Variants in NETO1 observed in about 807,000 individuals in gnomAD.
NETO1 encodes the protein neuropilin and tolloid-like protein 1.
NETO1 carries 26 observed loss-of-function variants against 61.3 expected under a neutral mutation model. The ratio of observed to expected loss-of-function variants is 0.42; its 90% CI spans 0.31 to 0.59. The LOEUF (loss-of-function observed/expected upper bound fraction) is 0.59, where lower values mean the gene tolerates loss of function less well. Ranked by LOEUF, NETO1 falls within the 20% of genes least tolerant of loss-of-function variation. NETO1 has a pLI of 0.12. For synonymous variants in NETO1, 225 were observed against 225.8 expected (o/e 1.00, Z 0.03); for missense variants, 531 against 662.8 (o/e 0.80, Z 2.18).
At chr18:72,742,956 T>C (rs2070365433), downstream of NETO1, among the ~76,000 whole-genome samples, 2 of 152,184 alleles carry the variant, frequency 1.3e-5, no homozygotes, top group Non-Finnish European at 2.9e-5. Flanking sequence ...CAAATATTCC[T>C]GGACATCTAA....
At chr18:72,777,871 T>A (rs2071610151) in intron 7 of NETO1, among the ~76,000 whole-genome samples, 1 of 152,178 alleles carries the variant, frequency 6.6e-6, no homozygotes, top group Non-Finnish European at 1.5e-5. Context: ...AAGTCACATA[T>A]CCCTGTCTCT....
chr18:72,768,791 A>C (rs946868233), intron 7 of NETO1, among the ~76,000 whole-genome samples: 1 of 152,190 alleles, frequency 6.6e-6, no homozygotes, highest in Non-Finnish European at 1.5e-5. Context: ...TGTACTCTAC[A>C]CTGGAGCCTC....
Position 72,750,511 on chromosome 18 carries a change from C to T in NETO1, c.1092G>A (p.Gln364=). 1 of 1,614,052 alleles carries T rather than the reference C, an allele frequency of 6.2e-7. No homozygotes were observed. The highest frequency in any genetic ancestry group is 2.2e-5 in the East Asian group (1 of 44,876). ...IILIIISVIV[Q]IKQPRKKYVQ... ...CATACTTTTTACGAGGCTGTTTGAT[C>T]TGTACGATGACAGAGATGATAATGA... Residue 364 remains glutamine (Q), a synonymous_variant, in exon 9 of 11, where the codon CAG becomes CAA. Transcript: ENST00000327305.
chr18:72,770,945 A>G (rs1447592108), intron 7 of NETO1, among the ~76,000 whole-genome samples: 1 of 152,174 alleles, frequency 6.6e-6, no homozygotes, highest in Admixed American at 6.6e-5. Flanking sequence ...CATAACTAAC[A>G]AAGTTATTTA....
chr18:72,806,088 G>A (rs530438001), intron 4 of NETO1, among the ~76,000 whole-genome samples: 6 of 152,044 alleles, frequency 3.9e-5, no homozygotes, highest in Admixed American at 6.5e-5. Flanking sequence ...GTTGGTAGAC[G>A]ACATTACCTA....
At chr18:72,863,480 G>A (rs1359257375) in intron 3 of NETO1, among the ~76,000 whole-genome samples, 1 of 152,202 alleles carries the variant, frequency 6.6e-6, no homozygotes, top group African/African-American at 2.4e-5. Context: ...GAGGCAGGTA[G>A]CGAGTACCTT....
At position 72,745,161 on chromosome 18, in the gene NETO1, T is replaced by G. The variant is rs558451158; in HGVS notation, c.*3018A>C. ...CTCCAATTATGTGGACAGCCACATTTTGGTTACAAAATCAAATTCAAGTTA... is the reference window on the plus strand; with the variant it reads ...CTCCAATTATGTGGACAGCCACATTGTGGTTACAAAATCAAATTCAAGTTA... On this transcript the variant is annotated 3_prime_UTR_variant, in exon 11 of 11. Transcript: ENST00000327305. The G allele has an allele frequency of 6.6e-6, 1 of 152,328 alleles. No individual in the cohort carries two copies. The highest frequency in any genetic ancestry group is 1.9e-4 in the East Asian group (1 of 5,186). 9.4% of individuals were successfully genotyped at this position (152,328 alleles called of 1,614,324 possible).
At chr18:72,785,174 C>T (rs1337844690) in intron 6 of NETO1, among the ~76,000 whole-genome samples, 1 of 152,168 alleles carries the variant, frequency 6.6e-6, no homozygotes, top group East Asian at 1.9e-4. Flanking sequence ...TTCAAGCAAA[C>T]ATCCATCTCT....
At chr18:72,803,758 T>G (rs2072584188) in intron 4 of NETO1, among the ~76,000 whole-genome samples, 1 of 150,410 alleles carries the variant, frequency 6.6e-6, no homozygotes, top group Non-Finnish European at 1.5e-5. Context: ...GAGGTTGAGG[T>G]TGCAGTCAGC....
At chr18:72,759,219 C>G (rs529500733) in intron 7 of NETO1, among the ~76,000 whole-genome samples, 1 of 152,282 alleles carries the variant, frequency 6.6e-6, no homozygotes, top group South Asian at 2.1e-4. Flanking sequence ...CCCAGATACC[C>G]CTTCTCCACT....
At chr18:72,801,132 G>C (rs1010608356) in intron 4 of NETO1, among the ~76,000 whole-genome samples, 4 of 152,100 alleles carry the variant, frequency 2.6e-5, no homozygotes, top group African/African-American at 9.7e-5. Flanking sequence ...AATTCCTACA[G>C]ACTCTGTCTT....
intron 6 of NETO1, among the ~76,000 whole-genome samples, chr18:72,790,785 A>G (rs2145263753): frequency 6.6e-6 from 1 of 152,234 alleles, no homozygotes; most frequent in African/African-American, 2.4e-5. Context: ...GATTGCTGCC[A>G]TGTCCTTTTT....
chr18:72,841,039 T>C (rs1390398531), intron 4 of NETO1, among the ~76,000 whole-genome samples: 1 of 152,222 alleles, frequency 6.6e-6, no homozygotes, highest in Non-Finnish European at 1.5e-5. Context: ...TTTATTTAAC[T>C]GCCAAGTTTC....
In NETO1 at chr18:72,794,240, A is replaced by G; in HGVS notation, c.516T>C (p.Cys172=). 6.2e-7 allele frequency: 1 copy of G among 1,614,168 alleles called. No homozygotes were observed. ...DLGALKPLPA[C]EFEMGGSEGI... ...CTTCGGAACCGCCCATCTCAAACTCACACGCTAAATAACAAAATGCCAAAC... is the reference window on the plus strand; with the variant it reads ...CTTCGGAACCGCCCATCTCAAACTCGCACGCTAAATAACAAAATGCCAAAC... Residue 172 remains cysteine, a synonymous_variant, in exon 6 of 11, where the codon TGT becomes TGC. Coordinates refer to ENST00000327305, the MANE Select transcript of NETO1 (RefSeq NM_138966.5).
Position 72,745,252 on chromosome 18 carries a change from T to C in NETO1, c.*2927A>G, listed in dbSNP as rs1342920017. The stretch of plus-strand genomic sequence containing the variant: ...ATAATGCTTAAAATTGGTATGTATA[T>C]AAAAACATACAAAATAAATCAGATT... On this transcript the variant is annotated 3_prime_UTR_variant, in exon 11 of 11. Coordinates refer to ENST00000327305, the MANE Select transcript of NETO1 (RefSeq NM_138966.5). 6.6e-6 allele frequency: 1 copy of C among 152,170 alleles called. No individual in the cohort carries two copies. The highest frequency in any genetic ancestry group is 6.5e-5 in the Admixed American group (1 of 15,270). 9.4% of individuals were successfully genotyped at this position (152,170 alleles called of 1,614,324 possible). A position where few individuals can be genotyped will look rare whatever the true frequency, so the allele number is the denominator to read the frequency against.
chr18:72,834,931 C>T (rs2073696360), intron 4 of NETO1: 2 of 746,340 alleles, frequency 2.7e-6, no homozygotes, highest in Non-Finnish European at 3.3e-6. Flanking sequence ...TATAAAATAA[C>T]ATTTAAAATA....
intron 4 of NETO1, among the ~76,000 whole-genome samples, chr18:72,829,769 T>A (rs898440828): frequency 6.6e-6 from 1 of 152,172 alleles, no homozygotes; most frequent in African/African-American, 2.4e-5. Flanking sequence ...GGGAGTACAG[T>A]GTTCACGCTG....
chr18:72,793,417 C>G (rs2072201641), intron 6 of NETO1, among the ~76,000 whole-genome samples: 1 of 152,126 alleles, frequency 6.6e-6, no homozygotes, highest in South Asian at 2.1e-4. Context: ...AAATGGGGTC[C>G]TGAGTCAAAA....
intron 4 of NETO1, among the ~76,000 whole-genome samples, chr18:72,827,894 C>T (rs1273480514): frequency 6.6e-6 from 1 of 152,136 alleles, no homozygotes; most frequent in Non-Finnish European, 1.5e-5. Context: ...GAGGTCTTTT[C>T]TGCATCAAAA....
Sources: allele counts gnomAD v4.1 joint callset (sites outside exome capture counted in the v4.1 genomes callset), GRCh38; gene constraint gnomAD v4.1.1; transcripts MANE v1.5; gene names NCBI Gene and HGNC (gene_info 2026-07-23, HGNC 2026-07-21).